NLGN1: variants seen among roughly 807,000 people sequenced by gnomAD.
NLGN1 encodes the protein neuroligin 1.
In NLGN1, 12 loss-of-function variants were observed where a neutral mutation model predicts 65.5. That is an observed-to-expected ratio of 0.18 (90% CI 0.12 to 0.30). The LOEUF (loss-of-function observed/expected upper bound fraction) is 0.30. Among genes scored for constraint, NLGN1 ranks in the 10% least tolerant of loss-of-function variants. The probability of loss-of-function intolerance (pLI) is 1.00; values close to 1 mark genes in which losing one functional copy is unlikely to be tolerated. For synonymous variants in NLGN1, 350 were observed against 359.5 expected (o/e 0.97, Z 0.30); for missense variants, 750 against 1,007.1 (o/e 0.74, Z 3.46).
intron 4 of NLGN1, among the ~76,000 whole-genome samples, chr3:174,033,175 A>G (rs1259121297): frequency 6.6e-6 from 1 of 152,148 alleles, no homozygotes; most frequent in Admixed American, 6.5e-5. Flanking sequence ...CAACGGTTAC[A>G]GCTGAAAAGA....
intron 4 of NLGN1, among the ~76,000 whole-genome samples, chr3:174,146,829 A>T (rs1313051847): frequency 6.6e-6 from 1 of 152,150 alleles, no homozygotes; most frequent in Non-Finnish European, 1.5e-5. Flanking sequence ...CTGCCTGCCA[A>T]AGTGCTGGGA....
chr3:173,765,296 G>A (rs1187515580), intron 3 of NLGN1, among the ~76,000 whole-genome samples: 1 of 152,010 alleles, frequency 6.6e-6, no homozygotes, highest in African/African-American at 2.4e-5. Context: ...AATATAGAAT[G>A]AAAATTTCAT....
intron 4 of NLGN1, among the ~76,000 whole-genome samples, chr3:174,115,443 A>G (rs954559468): frequency 1.3e-5 from 2 of 152,180 alleles, no homozygotes; most frequent in Admixed American, 1.3e-4. Flanking sequence ...TGACTTCTGC[A>G]TTACCCTAAG....
intron 4 of NLGN1, among the ~76,000 whole-genome samples, chr3:174,197,328 A>G (rs573647780): frequency 6.6e-6 from 1 of 152,228 alleles, no homozygotes; most frequent in Non-Finnish European, 1.5e-5. Flanking sequence ...ACCAAGCTTA[A>G]AAACTAACAG....
chr3:174,271,678 GCT>G (rs1212256643), intron 4 of NLGN1, among the ~76,000 whole-genome samples: 1 of 151,744 alleles, frequency 6.6e-6, no homozygotes, highest in African/African-American at 2.4e-5. Flanking sequence ...AGCTAAGCCT[GCT>G]CAGTAGATGT....
At chr3:173,424,714 C>T (rs1715778959) in intron 1 of NLGN1, among the ~76,000 whole-genome samples, 1 of 152,194 alleles carries the variant, frequency 6.6e-6, no homozygotes, top group Non-Finnish European at 1.5e-5. Context: ...CTGAGACCAC[C>T]TCAGCCTAGA....
At position 173,819,460 on chromosome 3, in the gene NLGN1, T is replaced by C. The variant is rs535157628; in HGVS notation, c.646+11628T>C. Among the ~76,000 whole-genome samples the C allele has an allele frequency of 1.1e-4, 16 of 152,354 alleles. No homozygotes were observed. In the South Asian group the frequency reaches 3.1e-3, roughly 30 times the overall value. On this transcript the variant is annotated intron_variant, in intron 4 of 6. Coordinates refer to ENST00000457714, the Ensembl canonical transcript of NLGN1. ...CTTTGCTCTTCTTCTTGTCAAACTT[T>C]ACCTTCTATTGGTTTCTGAGGAAGC...
At chr3:174,078,995 G>GGTGT (rs547909848) in intron 4 of NLGN1, among the ~76,000 whole-genome samples, 38 of 145,970 alleles carry the variant, frequency 2.6e-4, no homozygotes, top group African/African-American at 8.9e-4. Context: ...GTAATACAAC[G>GGTGT]GTGTGTGTGT....
intron 4 of NLGN1, among the ~76,000 whole-genome samples, chr3:174,265,089 C>G (rs1163791470): frequency 2.6e-5 from 4 of 151,960 alleles, no homozygotes; most frequent in East Asian, 3.9e-4. Flanking sequence ...TCAAAGCTGT[C>G]AGACAGGGAC....
chr3:174,095,175 A>C (rs1221189145), intron 4 of NLGN1, among the ~76,000 whole-genome samples: 1 of 152,096 alleles, frequency 6.6e-6, no homozygotes, highest in Non-Finnish European at 1.5e-5. Context: ...GCAGTGTCCA[A>C]AAAGTAGACA....
chr3:173,752,036 C>A (rs979415465), intron 3 of NLGN1, among the ~76,000 whole-genome samples: 1 of 152,082 alleles, frequency 6.6e-6, no homozygotes, highest in Non-Finnish European at 1.5e-5. Flanking sequence ...CTCTGAGAAA[C>A]ATGGCAGAAT....
intron 3 of NLGN1, among the ~76,000 whole-genome samples, chr3:173,779,847 T>TA (rs1231580714): frequency 2.0e-5 from 3 of 152,128 alleles, no homozygotes; most frequent in Middle Eastern, 3.2e-3. Context: ...TGTAAAATAA[T>TA]AAAAAATGTT....
At chr3:174,093,437 C>T (rs908816529) in intron 4 of NLGN1, among the ~76,000 whole-genome samples, 5 of 152,154 alleles carry the variant, frequency 3.3e-5, no homozygotes, top group African/African-American at 1.2e-4. Context: ...CAAAGCTGTA[C>T]ATGAGCTATG....
chr3:173,449,029 A>AT lies in NLGN1; in HGVS notation c.-321+13957dup, dbSNP rs1176003118. Among the ~76,000 whole-genome samples the AT allele has an allele frequency of 1.8e-3, 268 of 152,046 alleles. 1 individual carries two copies. The highest frequency in any genetic ancestry group is 6.0e-3 in the African/African-American group (247 of 41,466). On this transcript the variant is annotated intron_variant, in intron 2 of 6. Coordinates refer to ENST00000457714, the Ensembl canonical transcript of NLGN1. ...AAAAAACCGGCTCCTGGATTCATTG[A>AT]TTTTTTGAAGGGTTTTTTGTGTCTC...
intron 4 of NLGN1, among the ~76,000 whole-genome samples, chr3:173,954,079 G>A (rs565649143): frequency 3.3e-5 from 5 of 151,888 alleles, no homozygotes; most frequent in Admixed American, 2.0e-4. Context: ...GAAATAATTT[G>A]TAAAATCAGT....
intron 1 of NLGN1, among the ~76,000 whole-genome samples, chr3:173,418,339 G>A (rs1409522484): frequency 1.5e-5 from 2 of 137,066 alleles, no homozygotes; most frequent in African/African-American, 5.2e-5. Context: ...ATATTTCAAT[G>A]CACAGTTTGA....
chr3:174,276,482 TTTTA>T (rs1384313958), intron 5 of NLGN1, among the ~76,000 whole-genome samples: 1 of 151,952 alleles, frequency 6.6e-6, no homozygotes, highest in African/African-American at 2.4e-5. Flanking sequence ...ATTTCTGATC[TTTTA>T]TTGTCATTTT....
intron 4 of NLGN1, among the ~76,000 whole-genome samples, chr3:173,823,509 A>G (rs1720726733): frequency 6.6e-6 from 1 of 152,088 alleles, no homozygotes; most frequent in Non-Finnish European, 1.5e-5. Context: ...CTCAATTCAC[A>G]TGCTAAATCT....
intron 4 of NLGN1, among the ~76,000 whole-genome samples, chr3:174,158,586 G>A (rs116196436): frequency 3.4e-4 from 52 of 151,776 alleles, no homozygotes; most frequent in Non-Finnish European, 6.3e-4. Flanking sequence ...CTCAGACCCT[G>A]TTCCAAATCT....
Sources: allele counts gnomAD v4.1 joint callset (sites outside exome capture counted in the v4.1 genomes callset), GRCh38; gene constraint gnomAD v4.1.1; transcripts MANE v1.5; gene names NCBI Gene and HGNC (gene_info 2026-07-23, HGNC 2026-07-21).